The following GALNTL6 variants were observed in gnomAD, a reference collection of about 807,000 sequenced individuals.
GALNTL6 encodes the protein polypeptide N-acetylgalactosaminyltransferase-like 6.
A neutral mutation model predicts 73.7 loss-of-function variants in GALNTL6; 46 were observed. The ratio of observed to expected loss-of-function variants is 0.62; its 90% CI spans 0.49 to 0.80. The LOEUF (loss-of-function observed/expected upper bound fraction) is 0.80. Ranked by LOEUF, GALNTL6 falls within the 30% of genes least tolerant of loss-of-function variation. The pLI is 0.00. For missense variants in GALNTL6, 604 were observed against 755.0 expected (o/e 0.80, Z 2.34); for synonymous variants, 259 against 263.7 (o/e 0.98, Z 0.17).
chr4:171,881,821 A>C (rs1736460313), intron 2 of GALNTL6, among the ~76,000 whole-genome samples: 1 of 152,206 alleles, frequency 6.6e-6, no homozygotes, highest in Non-Finnish European at 1.5e-5. Flanking sequence ...TCACCTTAGA[A>C]GTGAGTAGCT....
chr4:172,653,333 C>T (rs915614845), intron 5 of GALNTL6, among the ~76,000 whole-genome samples: 1 of 151,596 alleles, frequency 6.6e-6, no homozygotes, highest in African/African-American at 2.4e-5. Context: ...GATTCTCCTG[C>T]CTCAGCCTCC....
intron 5 of GALNTL6, among the ~76,000 whole-genome samples, chr4:172,749,178 A>T (rs190851986): frequency 6.6e-6 from 1 of 152,136 alleles, no homozygotes; most frequent in East Asian, 1.9e-4. Context: ...TTAAAAATTT[A>T]AAAAGATAAC....
chr4:173,040,916 G>A lies in GALNTL6; in HGVS notation c.*816G>A, dbSNP rs1048767256. The A allele has an allele frequency of 5.2e-5, 8 of 152,424 alleles. No homozygotes were observed. The highest frequency in any genetic ancestry group is 1.7e-4 in the African/African-American group (7 of 41,384). The allele number at this position is 152,424 out of a possible 1,614,324, so 9.4% of individuals were successfully genotyped here. On this transcript the variant is annotated 3_prime_UTR_variant, in exon 13 of 13. Transcript: ENST00000506823. Reference sequence around the variant, plus strand: ...TCACAGAAGCAGCAAAACCATATAAGATTTAGGAGAGGGACTTCCCTGGGA... The same window carrying A: ...TCACAGAAGCAGCAAAACCATATAAAATTTAGGAGAGGGACTTCCCTGGGA...
intron 5 of GALNTL6, among the ~76,000 whole-genome samples, chr4:172,376,733 G>C (rs1743046816): frequency 6.6e-6 from 1 of 152,178 alleles, no homozygotes; most frequent in South Asian, 2.1e-4. Context: ...TCACCGCTTG[G>C]CGATAGGCAA....
intron 8 of GALNTL6, among the ~76,000 whole-genome samples, chr4:172,903,935 C>A (rs916373639): frequency 3.3e-5 from 5 of 152,052 alleles, no homozygotes; most frequent in Non-Finnish European, 5.9e-5. Context: ...GATTCTATCA[C>A]CCAGGTACTG....
At chr4:171,845,422 A>G (rs116798860) in intron 2 of GALNTL6, among the ~76,000 whole-genome samples, 5 of 152,188 alleles carry the variant, frequency 3.3e-5, no homozygotes, top group Non-Finnish European at 7.3e-5. Context: ...GTTAATATCA[A>G]TGTAAAATTC....
At chr4:171,828,795 G>T (rs1307530822) in intron 2 of GALNTL6, among the ~76,000 whole-genome samples, 1 of 151,958 alleles carries the variant, frequency 6.6e-6, no homozygotes, top group East Asian at 1.9e-4. Context: ...GCTAATCTTT[G>T]TATTTTTAGT....
intron 5 of GALNTL6, among the ~76,000 whole-genome samples, chr4:172,362,194 T>C (rs1342338237): frequency 6.6e-6 from 1 of 152,150 alleles, no homozygotes; most frequent in Non-Finnish European, 1.5e-5. Flanking sequence ...AGAGGCACTA[T>C]CTTCAGAGGC....
intron 5 of GALNTL6, among the ~76,000 whole-genome samples, chr4:172,488,634 A>G (rs1299623187): frequency 6.6e-6 from 1 of 152,180 alleles, no homozygotes; most frequent in Non-Finnish European, 1.5e-5. Context: ...CTAAAGCTAA[A>G]TAGTATCACT....
rs1269318040 is a variant in GALNTL6, at chr4:172,809,060, C to A, written c.554-301C>A. Among the ~76,000 whole-genome samples the A allele has an allele frequency of 6.6e-6, 1 of 152,178 alleles. No individual in the cohort carries two copies. ...CCAGCAGGACCAGAGGGCAGAAGCC[C>A]ATCTTTGGAGTGTTGGCTAGGATTA... On this transcript the variant is annotated intron_variant, in intron 5 of 12. Transcript: ENST00000506823. The surrounding 1 kb of genome is among the most constrained non-coding windows in gnomAD (Gnocchi z 4.4).
intron 5 of GALNTL6, among the ~76,000 whole-genome samples, chr4:172,589,717 C>A (rs571954212): frequency 6.6e-6 from 1 of 152,234 alleles, no homozygotes; most frequent in Non-Finnish European, 1.5e-5. Context: ...TCCTACATCT[C>A]CCAGCTATTT....
intron 2 of GALNTL6, among the ~76,000 whole-genome samples, chr4:171,895,450 A>G (rs567758437): frequency 6.6e-6 from 1 of 152,324 alleles, no homozygotes; most frequent in Non-Finnish European, 1.5e-5. Flanking sequence ...ATCTGCCTGC[A>G]TCTGTGATAG....
chr4:171,985,100 G>GT (rs769489064), intron 2 of GALNTL6, among the ~76,000 whole-genome samples: 5 of 151,632 alleles, frequency 3.3e-5, no homozygotes, highest in Non-Finnish European at 7.4e-5. Context: ...ACCCAATTAA[G>GT]TTTATTGTGG....
chr4:172,013,920 A>G (rs1741101672), intron 2 of GALNTL6, among the ~76,000 whole-genome samples: 1 of 140,376 alleles, frequency 7.1e-6, no homozygotes, highest in Admixed American at 7.4e-5. Flanking sequence ...TACCTCCATG[A>G]GTTCAGTTGT....
chr4:171,943,746 G>T (rs1003105174), intron 2 of GALNTL6, among the ~76,000 whole-genome samples: 4 of 152,178 alleles, frequency 2.6e-5, no homozygotes, highest in Non-Finnish European at 5.9e-5. Flanking sequence ...AGAAACAGAA[G>T]ATAATCACTT....
chr4:171,874,390 A>G (rs910072967), intron 2 of GALNTL6, among the ~76,000 whole-genome samples: 1 of 152,054 alleles, frequency 6.6e-6, no homozygotes, highest in Non-Finnish European at 1.5e-5. Flanking sequence ...GGGTTTCACA[A>G]TGTTGGCCAG....
intron 8 of GALNTL6, among the ~76,000 whole-genome samples, chr4:172,921,095 G>A (rs142224249): frequency 3.3e-5 from 5 of 152,282 alleles, no homozygotes; most frequent in African/African-American, 9.6e-5. Flanking sequence ...GATAATGCCC[G>A]AGGGTGACAG....
chr4:172,415,318 A>C (rs964171551), intron 5 of GALNTL6, among the ~76,000 whole-genome samples: 3 of 152,158 alleles, frequency 2.0e-5, no homozygotes, highest in African/African-American at 7.2e-5. Context: ...ATTAACCCCC[A>C]AATCTCAGTG....
At chr4:172,609,625 C>CTCTCTCTCTG (rs753051714) in intron 5 of GALNTL6, among the ~76,000 whole-genome samples, 27 of 92,772 alleles carry the variant, frequency 2.9e-4, no homozygotes, top group African/African-American at 2.7e-4. Flanking sequence ...CTCTCTCTCT[C>CTCTCTCTCTG]TGTGTGTGTG....
Sources: allele counts gnomAD v4.1 joint callset (sites outside exome capture counted in the v4.1 genomes callset), GRCh38; gene constraint gnomAD v4.1.1; non-coding constraint Gnocchi (gnomAD v3.1); transcripts MANE v1.5; gene names NCBI Gene and HGNC (gene_info 2026-07-23, HGNC 2026-07-21).